PDE6B: variants seen among roughly 807,000 people sequenced by gnomAD.
PDE6B encodes rod cGMP-specific 3',5'-cyclic phosphodiesterase subunit beta.
Under a neutral mutation model 109.0 loss-of-function variants are expected in PDE6B, and 106 were observed. The observed-to-expected ratio is 0.97, with a 90% CI of 0.83 to 1.14. PDE6B has a LOEUF of 1.14. Among genes scored for constraint, PDE6B ranks in the 50% most tolerant of loss-of-function variants. The pLI, the probability that PDE6B is intolerant of heterozygous loss-of-function variation, is 0.00. For synonymous variants in PDE6B, 490 were observed against 471.3 expected, an observed-to-expected ratio of 1.04 and a Z score of -0.51; for missense variants, 1,193 against 1,155.6, an observed-to-expected ratio of 1.03 and a Z score of -0.47.
At chr4:655,266 C>T (rs931046658) in intron 6 of PDE6B, 4 of 329,668 alleles carry the variant, frequency 1.2e-5, no homozygotes, top group Admixed American at 9.0e-5. Context: ...GAGCCTCCAG[C>T]CAGGAGGCCG....
Position 655,928 on chromosome 4 carries a change from C to G in PDE6B, c.993-12C>G. 1 of 1,590,506 alleles carries G rather than the reference C, an allele frequency of 6.3e-7. No homozygotes were observed. The highest frequency in any genetic ancestry group is 8.6e-7 in the Non-Finnish European group (1 of 1,158,772). On this transcript the variant is annotated splice_polypyrimidine_tract_variant and intron_variant, in intron 6 of 21. Coordinates refer to ENST00000496514, the MANE Select transcript of PDE6B (RefSeq NM_000283.4). The stretch of plus-strand genomic sequence containing the variant: ...CGGCGTGGCCTATCTGACCCCTGCT[C>G]TCTGCCCACAGCACACCCTCAGCCG...
At chr4:653,720 C>A in intron 3 of PDE6B, 132 bp from the exon 4 acceptor site, 2 of 1,026,656 alleles carry the variant, frequency 1.9e-6, no homozygotes, top group Non-Finnish European at 3.0e-6. Flanking sequence ...CTGTGCCAGG[C>A]TCCACGGCTG....
intron 21 of PDE6B, 115 bp from the exon 22 acceptor site, chr4:669,931 C>A: frequency 1.2e-6 from 1 of 861,480 alleles, no homozygotes; most frequent in Non-Finnish European, 2.0e-6. Context: ...GTCACAGACC[C>A]AGGTGCTGTC....
At chr4:651,496 ACGCAGAGGG>A (rs981339180) in intron 3 of PDE6B, 1 of 152,530 alleles carries the variant, frequency 6.6e-6, no homozygotes, top group African/African-American at 2.4e-5. Flanking sequence ...TGTGGGAGGG[ACGCAGAGGG>A]CGCAGAGGGT....
chr4:665,310 T>C lies in PDE6B; in HGVS notation c.2249T>C (p.Val750Ala). The C allele has an allele frequency of 1.9e-6, 3 of 1,611,962 alleles. No individual in the cohort carries two copies. The highest frequency in any genetic ancestry group is 2.5e-6 in the Non-Finnish European group (3 of 1,178,964). ...FWEQGDLERT[V>A]LDQQPIPMMD... ...GAGCAAGGTGACTTGGAAAGGACAG[T>C]CTTGGATCAGCAGCCCATTGTGAGT... Residue 750 changes from valine to alanine, a missense_variant, in exon 19 of 22, where the codon GTC becomes GCC. Transcript: ENST00000496514. This position sits in a 1 kb window ranked among gnomAD's most constrained non-coding sequence, Gnocchi z 4.0.
Position 655,952 on chromosome 4 carries a change from CG to C in PDE6B, c.1006del (p.Asp336IlefsTer23). ...EIKVIPTPSA[D>X]HWALASGLPS... ...TCTCTGCCCACAGCACACCCTCAGCCGATCACTGGGCCCTGGCCAGCGGCCT... is the reference window on the plus strand; with the variant it reads ...TCTCTGCCCACAGCACACCCTCAGCCATCACTGGGCCCTGGCCAGCGGCCT... On this transcript the variant is annotated frameshift_variant, in exon 7 of 22. Transcript: ENST00000496514. LOFTEE classifies it high-confidence loss of function. The C allele has an allele frequency of 6.2e-7, 1 of 1,609,140 alleles. No homozygotes were observed. The highest frequency in any genetic ancestry group is 8.5e-7 in the Non-Finnish European group (1 of 1,175,734).
Position 635,963 on chromosome 4 carries a change from C to A in PDE6B, c.705C>A (p.Arg235=). Residue 235 remains arginine (R), a synonymous_variant, in exon 3 of 22, where the codon CGC becomes CGA. Transcript: ENST00000496514. The stretch of plus-strand genomic sequence containing the variant: ...ACCTCCACAACTGCGAGACGCGCCG[C>A]GGCCAGGTACCCACACGCTGAGCAC... ...LSYLHNCETR[R]GQVLLWSANK... is the part of the protein sequence containing the mutation. 6.3e-7 allele frequency: 1 copy of A among 1,592,672 alleles called. No individual in the cohort carries two copies. The highest frequency in any genetic ancestry group is 8.6e-7 in the Non-Finnish European group (1 of 1,160,526).
chr4:668,518 A>G (rs1416840621), intron 21 of PDE6B, among the ~76,000 whole-genome samples: 1,809 of 85,926 alleles, frequency 0.021, 72 homozygotes, highest in Middle Eastern at 0.041. Flanking sequence ...ACCCCATGCT[A>G]GTACCACTAC....
At chr4:635,329 G>A (rs1334981565) in intron 2 of PDE6B, among the ~76,000 whole-genome samples, 6 of 135,262 alleles carry the variant, frequency 4.4e-5, no homozygotes, top group African/African-American at 9.0e-5. Flanking sequence ...TGTGCTGTGC[G>A]TCCACCTCCT....
At chr4:629,668 T>C (rs1487416214) in intron 1 of PDE6B, among the ~76,000 whole-genome samples, 2 of 152,172 alleles carry the variant, frequency 1.3e-5, no homozygotes, top group African/African-American at 4.8e-5. Context: ...TATGGTGGTC[T>C]CTACAAGGCT....
At chr4:661,512 C>G (rs576028709) in intron 12 of PDE6B, 16 of 154,002 alleles carry the variant, frequency 1.0e-4, no homozygotes, top group African/African-American at 3.9e-4. Context: ...ATCCTCTTTT[C>G]TCATGCCCCT....
At position 626,560 on chromosome 4, in the gene PDE6B, G is replaced by A. The variant is rs561098876; in HGVS notation, c.468+466G>A. 3.3e-5 allele frequency among the ~76,000 whole-genome samples: 5 copies of A among 152,328 alleles called. No homozygotes were observed. The highest frequency in any genetic ancestry group is 3.3e-4 in the Admixed American group (5 of 15,300). ...TCGAAGGTGGTGCAGACGCCCACAG[G>A]GAGGGAGAGCCAGGGGAACCCCAAA... On this transcript the variant is annotated intron_variant, in intron 1 of 21. Coordinates refer to ENST00000496514, the MANE Select transcript of PDE6B (RefSeq NM_000283.4). The surrounding 1 kb of genome is among the most constrained non-coding windows in gnomAD (Gnocchi z 4.6).
rs1410505955 is a variant in PDE6B, at chr4:665,137, G to A, written c.2194-118G>A. 3.4e-6 allele frequency: 3 copies of A among 871,602 alleles called. No individual in the cohort carries two copies. Among genetic ancestry groups the A allele is most frequent in the African/African-American group, 1.7e-5 (1 of 60,432 alleles). The allele number at this position is 871,602 out of a possible 1,614,324, so 54.0% of individuals were successfully genotyped here. A position where few individuals can be genotyped will look rare whatever the true frequency, so the allele number is the denominator to read the frequency against. ...CATGGCTCAACCGGAGCCCTGTGTG[G>A]TGGGGACCCCGGGGGTCTGGGGCGG... On this transcript the variant is annotated intron_variant, in intron 18 of 21. Transcript: ENST00000496514. This position sits in a 1 kb window ranked among gnomAD's most constrained non-coding sequence, Gnocchi z 4.0.
intron 3 of PDE6B, chr4:651,482 T>A (rs1339801482): frequency 6.5e-6 from 1 of 152,740 alleles, no homozygotes; most frequent in Non-Finnish European, 1.5e-5. Context: ...GGAGACAGAC[T>A]GAGTGTGGGA....
chr4:656,289 T>A lies in PDE6B; in HGVS notation c.1104T>A (p.Phe368Leu). 6.4e-7 allele frequency: 1 copy of A among 1,562,604 alleles called. No individual in the cohort carries two copies. The highest frequency in any genetic ancestry group is 2.2e-5 in the East Asian group (1 of 44,672). ...CTTCCGCTGACGAAATGTTCAAATT[T>A]CAGGTATCTGTCTGTGCCTTGGTAG... ...MNASADEMFK[F>L]QEGALDDSGW... Residue 368 changes from phenylalanine (F) to leucine (L), a missense_variant, in exon 8 of 22, where the codon TTT (phenylalanine) becomes TTA (leucine). Phe to Leu is a conservative substitution (Grantham distance 22). Transcript: ENST00000496514.
chr4:651,184 C>A (rs3934458), intron 3 of PDE6B, among the ~76,000 whole-genome samples: 1 of 139,572 alleles, frequency 7.2e-6, no homozygotes, highest in Non-Finnish European at 1.5e-5. Flanking sequence ...GCAGTGGGGC[C>A]GTCACAGGCG....
intron 12 of PDE6B, 65 bp downstream of exon 12, chr4:660,678 G>A: frequency 6.9e-7 from 1 of 1,446,930 alleles, no homozygotes; most frequent in Non-Finnish European, 9.7e-7. Flanking sequence ...GGGTGGGGAT[G>A]TGATCAGGGC....
At chr4:628,139 T>C (rs1315225547) in intron 1 of PDE6B, among the ~76,000 whole-genome samples, 1 of 149,268 alleles carries the variant, frequency 6.7e-6, no homozygotes, top group Non-Finnish European at 1.5e-5. Context: ...AACTTGAGTC[T>C]GAATTGCCAC....
At chr4:654,935 C>T (rs775619050) in intron 6 of PDE6B, 47 bp downstream of exon 6, 1 of 1,062,998 alleles carries the variant, frequency 9.4e-7, no homozygotes. Flanking sequence ...AGGGACCGCC[C>T]CTCAGACCCC....
Sources: allele counts gnomAD v4.1 joint callset (sites outside exome capture counted in the v4.1 genomes callset), GRCh38; gene constraint gnomAD v4.1.1; non-coding constraint Gnocchi (gnomAD v3.1); transcripts MANE v1.5; gene names NCBI Gene and HGNC (gene_info 2026-07-23, HGNC 2026-07-21).